The following RHOJ variants were observed in gnomAD, a reference collection of about 807,000 sequenced individuals.
The protein encoded by RHOJ is ras homolog family member J, also known as rho-related GTP-binding protein RhoJ.
Under a neutral mutation model 23.4 loss-of-function variants are expected in RHOJ, and 11 were observed. That is an observed-to-expected ratio of 0.47 (90% CI 0.30 to 0.78). The LOEUF is 0.78. Among genes scored for constraint, RHOJ ranks in the 30% least tolerant of loss-of-function variants. RHOJ has a pLI of 0.08. For missense variants in RHOJ, 254 were observed against 273.4 expected, an observed-to-expected ratio of 0.93 and a Z score of 0.50; for synonymous variants, 102 against 102.7, an observed-to-expected ratio of 0.99 and a Z score of 0.04.
chr14:63,269,505 A>T (rs1332102486), intron 2 of RHOJ, among the ~76,000 whole-genome samples: 1 of 152,156 alleles, frequency 6.6e-6, no homozygotes, highest in Non-Finnish European at 1.5e-5. Flanking sequence ...TCAGTTTCAT[A>T]AATTTTAGTT....
Position 63,258,514 on chromosome 14 carries a change from A to G in RHOJ, c.179-10596A>G, listed in dbSNP as rs140550352. 1.5e-4 allele frequency among the ~76,000 whole-genome samples: 23 copies of G among 152,232 alleles called. No homozygotes were observed. In the East Asian group the frequency reaches 3.3e-3, roughly 22 times the overall value. ...GGACTACAAGAAAAAGTATTAAATTATAAAAGTTTATCATCATTCCCCTTC... is the reference window on the plus strand; with the variant it reads ...GGACTACAAGAAAAAGTATTAAATTGTAAAAGTTTATCATCATTCCCCTTC... On this transcript the variant is annotated intron_variant, in intron 1 of 4. Coordinates refer to ENST00000316754, the MANE Select transcript of RHOJ (RefSeq NM_020663.5).
intron 1 of RHOJ, among the ~76,000 whole-genome samples, chr14:63,205,549 A>G (rs1316084161): frequency 6.6e-6 from 1 of 152,222 alleles, no homozygotes; most frequent in African/African-American, 2.4e-5. Context: ...GTGCTATAAT[A>G]CTATAGTTTT....
At chr14:63,239,565 T>G (rs1342038538) in intron 1 of RHOJ, among the ~76,000 whole-genome samples, 1 of 152,222 alleles carries the variant, frequency 6.6e-6, no homozygotes. Flanking sequence ...TCACATGGAC[T>G]CCTTTGAAAA....
chr14:63,271,353 A>G (rs546571762), intron 2 of RHOJ, among the ~76,000 whole-genome samples: 1 of 152,322 alleles, frequency 6.6e-6, no homozygotes, highest in South Asian at 2.1e-4. Context: ...ATTAGGCAAA[A>G]GGATTTGAGG....
intron 1 of RHOJ, among the ~76,000 whole-genome samples, chr14:63,266,138 C>T (rs746220799): frequency 6.6e-6 from 1 of 152,044 alleles, no homozygotes; most frequent in African/African-American, 2.4e-5. Flanking sequence ...TTTTTCAAGG[C>T]CATTTCAAAA....
intron 1 of RHOJ, among the ~76,000 whole-genome samples, chr14:63,221,000 C>T (rs1319685174): frequency 6.6e-6 from 1 of 152,154 alleles, no homozygotes; most frequent in Non-Finnish European, 1.5e-5. Context: ...CCTACTTCTC[C>T]TCTATGGTCT....
intron 3 of RHOJ, among the ~76,000 whole-genome samples, chr14:63,281,385 T>C (rs899052055): frequency 1.3e-5 from 2 of 152,136 alleles, no homozygotes; most frequent in African/African-American, 4.8e-5. Flanking sequence ...TTTTTTTAAA[T>C]AACAAAGTAA....
intron 1 of RHOJ, among the ~76,000 whole-genome samples, chr14:63,228,840 A>G (rs1445214812): frequency 3.9e-5 from 6 of 152,194 alleles, no homozygotes; most frequent in Admixed American, 3.9e-4. Context: ...TGCATTCACA[A>G]TTAAGTAATT....
chr14:63,252,656 C>T (rs1275080913), intron 1 of RHOJ, among the ~76,000 whole-genome samples: 2 of 152,128 alleles, frequency 1.3e-5, no homozygotes, highest in African/African-American at 2.4e-5. Context: ...TCTTTGTTGT[C>T]CCCCAATCCC....
At chr14:63,275,816 C>T (rs1486450618) in intron 2 of RHOJ, among the ~76,000 whole-genome samples, 1 of 152,186 alleles carries the variant, frequency 6.6e-6, no homozygotes, top group East Asian at 1.9e-4. Context: ...GACATCATCT[C>T]CACCTGTTAC....
At chr14:63,229,255 A>C (rs1453802667) in intron 1 of RHOJ, among the ~76,000 whole-genome samples, 2 of 152,248 alleles carry the variant, frequency 1.3e-5, no homozygotes, top group Non-Finnish European at 2.9e-5. Context: ...GAGGAATGTT[A>C]GTTTGAATTT....
chr14:63,243,441 G>A (rs1894920046), intron 1 of RHOJ, among the ~76,000 whole-genome samples: 1 of 152,210 alleles, frequency 6.6e-6, no homozygotes, highest in African/African-American at 2.4e-5. Flanking sequence ...CTGGGCTCAA[G>A]CGATTCTCCT....
intron 1 of RHOJ, among the ~76,000 whole-genome samples, chr14:63,245,280 T>C (rs778257787): frequency 1.2e-4 from 18 of 151,880 alleles, no homozygotes; most frequent in Non-Finnish European, 2.5e-4. Context: ...ATGTTCAAGA[T>C]TGTCTTGCTT....
intron 1 of RHOJ, among the ~76,000 whole-genome samples, chr14:63,230,455 C>T (rs1894670204): frequency 6.6e-6 from 1 of 152,026 alleles, no homozygotes; most frequent in African/African-American, 2.4e-5. Flanking sequence ...TTTGATTTGA[C>T]ATTGCTCTTC....
chr14:63,257,993 G>A lies in RHOJ; in HGVS notation c.179-11117G>A, dbSNP rs1443943312. On this transcript the variant is annotated intron_variant, in intron 1 of 4. Coordinates refer to ENST00000316754, the MANE Select transcript of RHOJ (RefSeq NM_020663.5). ...TGTAATCCCAGCACTTTGCGAGGCC[G>A]AGGCGGGTGGATCACCTGAGGTCAG... Among the ~76,000 whole-genome samples the A allele has an allele frequency of 1.1e-4, 17 of 149,664 alleles. 2 individuals carry two copies. The highest frequency in any genetic ancestry group is 6.9e-3 in the Middle Eastern group (2 of 290).
intron 2 of RHOJ, chr14:63,269,443 C>T (rs552401925): frequency 2.0e-5 from 6 of 305,480 alleles, no homozygotes; most frequent in Middle Eastern, 9.1e-4. Flanking sequence ...TATGTGACCA[C>T]GAGTTTCAAT....
intron 2 of RHOJ, among the ~76,000 whole-genome samples, chr14:63,279,006 A>G (rs1217611718): frequency 8.5e-5 from 13 of 152,172 alleles, no homozygotes; most frequent in Admixed American, 8.5e-4. Context: ...ATAAAGTAAA[A>G]TAAAATGTTT....
At chr14:63,259,757 T>C (rs1390406142) in intron 1 of RHOJ, among the ~76,000 whole-genome samples, 1 of 152,144 alleles carries the variant, frequency 6.6e-6, no homozygotes, top group Non-Finnish European at 1.5e-5. Context: ...TCTTGACATA[T>C]ATTAAGAAAT....
chr14:63,214,059 G>A (rs183269323), intron 1 of RHOJ, among the ~76,000 whole-genome samples: 37 of 152,236 alleles, frequency 2.4e-4, no homozygotes, highest in African/African-American at 7.9e-4. Context: ...AATACAATAC[G>A]CACAGATAAA....
Sources: allele counts gnomAD v4.1 joint callset (sites outside exome capture counted in the v4.1 genomes callset), GRCh38; gene constraint gnomAD v4.1.1; transcripts MANE v1.5; gene names NCBI Gene and HGNC (gene_info 2026-07-23, HGNC 2026-07-21).